TENM2: variants seen among roughly 807,000 people sequenced by gnomAD.
TENM2 encodes teneurin transmembrane protein 2.
TENM2 carries 52 observed loss-of-function variants against 245.2 expected under a neutral mutation model. The observed-to-expected ratio is 0.21, with a 90% CI of 0.17 to 0.27. The LOEUF (loss-of-function observed/expected upper bound fraction) is 0.27. TENM2 is among the 10% of genes least tolerant of loss of function. The pLI, the probability that TENM2 is intolerant of heterozygous loss-of-function variation, is 1.00. For missense variants in TENM2, 3,046 were observed against 3,666.8 expected (o/e 0.83, Z 4.37); for synonymous variants, 1,363 against 1,438.9 (o/e 0.95, Z 1.19).
intron 2 of TENM2, among the ~76,000 whole-genome samples, chr5:167,687,544 T>A (rs1016159421): frequency 6.6e-6 from 1 of 152,208 alleles, no homozygotes; most frequent in Non-Finnish European, 1.5e-5. Context: ...AGGCTCACGT[T>A]GATGGATATG....
intron 1 of TENM2, among the ~76,000 whole-genome samples, chr5:167,325,028 T>C (rs1457006266): frequency 2.0e-5 from 3 of 152,182 alleles, no homozygotes; most frequent in Non-Finnish European, 4.4e-5. Context: ...CTGTATCAAG[T>C]CTGTGGAGTG....
chr5:168,200,163 A>G (rs1195889373), intron 17 of TENM2, 32 bp downstream of exon 19: 1 of 1,592,884 alleles, frequency 6.3e-7, no homozygotes, highest in Non-Finnish European at 8.6e-7. Context: ...TTATTGATCA[A>G]TGGATTTAGT....
chr5:167,429,842 G>T (rs185351140), intron 2 of TENM2, among the ~76,000 whole-genome samples: 1 of 151,984 alleles, frequency 6.6e-6, no homozygotes, highest in Admixed American at 6.6e-5. Flanking sequence ...CCTGACCTCA[G>T]GTGATCCACC....
At chr5:167,533,825 G>C (rs543556770) in intron 2 of TENM2, among the ~76,000 whole-genome samples, 1 of 152,098 alleles carries the variant, frequency 6.6e-6, no homozygotes. Flanking sequence ...TGGAAAGGAA[G>C]ATCTAGATGT....
At chr5:167,348,676 T>C (rs1758627305) in intron 1 of TENM2, among the ~76,000 whole-genome samples, 1 of 152,322 alleles carries the variant, frequency 6.6e-6, no homozygotes, top group East Asian at 1.9e-4. Context: ...ATGGTTAACA[T>C]AGAGTGTTTT....
chr5:167,092,201 C>T, the TENM2 span, among the ~76,000 whole-genome samples: 18 of 152,124 alleles, frequency 1.2e-4, no homozygotes, highest in African/African-American at 4.1e-4. Flanking sequence ...AAACATTTAG[C>T]GACGTGAAAA....
chr5:167,154,236 G>C, the TENM2 span, among the ~76,000 whole-genome samples: 2 of 152,182 alleles, frequency 1.3e-5, no homozygotes, highest in Admixed American at 6.5e-5. Context: ...TTGTTGAAGT[G>C]ATTTAACCAA....
chr5:167,835,885 TGGGAG>T (rs1029850189), intron 2 of TENM2, among the ~76,000 whole-genome samples: 76 of 152,268 alleles, frequency 5.0e-4, no homozygotes, highest in African/African-American at 1.8e-3. Flanking sequence ...AGGAGGTGGT[TGGGAG>T]GAAGAACACT....
At chr5:168,203,038 CCT>C (rs1284500142) in intron 17 of TENM2, among the ~76,000 whole-genome samples, 1 of 152,184 alleles carries the variant, frequency 6.6e-6, no homozygotes, top group East Asian at 1.9e-4. Context: ...TTCATTTCCA[CCT>C]CTCTCTCCCA....
the TENM2 span, among the ~76,000 whole-genome samples, chr5:167,125,194 A>G: frequency 6.6e-6 from 1 of 152,194 alleles, no homozygotes. Flanking sequence ...CCCTGGGAGG[A>G]ATGTGTTACA....
chr5:167,419,733 A>G (rs186342885), intron 2 of TENM2, among the ~76,000 whole-genome samples: 6 of 152,310 alleles, frequency 3.9e-5, no homozygotes, highest in African/African-American at 1.4e-4. Flanking sequence ...TATGTTTTTA[A>G]ATGAGTTATG....
At chr5:167,352,664 A>G (rs1353682373) in intron 1 of TENM2, among the ~76,000 whole-genome samples, 1 of 152,218 alleles carries the variant, frequency 6.6e-6, no homozygotes, top group Non-Finnish European at 1.5e-5. Flanking sequence ...CATAGCAACA[A>G]TACATATGAG....
At chr5:167,851,167 G>C (rs1224450703) in intron 2 of TENM2, among the ~76,000 whole-genome samples, 1 of 151,928 alleles carries the variant, frequency 6.6e-6, no homozygotes, top group Non-Finnish European at 1.5e-5. Flanking sequence ...TTAACTGGGG[G>C]GTTGTTGATG....
chr5:167,639,382 T>A (rs1779414050), intron 2 of TENM2, among the ~76,000 whole-genome samples: 1 of 152,226 alleles, frequency 6.6e-6, no homozygotes, highest in African/African-American at 2.4e-5. Flanking sequence ...TGAGTCATCT[T>A]AGCCTAAATC....
chr5:167,695,622 G>C (rs1401200380), intron 2 of TENM2, among the ~76,000 whole-genome samples: 1 of 151,206 alleles, frequency 6.6e-6, no homozygotes, highest in African/African-American at 2.4e-5. Context: ...ATAGTTAGCT[G>C]GAAATAAAGC....
At chr5:167,253,444 AAAAC>A in the TENM2 span, among the ~76,000 whole-genome samples, 1 of 151,934 alleles carries the variant, frequency 6.6e-6, no homozygotes, top group African/African-American at 2.4e-5. Context: ...TTTTAATGAG[AAAAC>A]AAACAAACAA....
chr5:168,161,039 A>T (rs1458083767), intron 12 of TENM2, among the ~76,000 whole-genome samples: 1 of 152,118 alleles, frequency 6.6e-6, no homozygotes, highest in Admixed American at 6.5e-5. Context: ...TCAAATTCCC[A>T]CCACTGCCAT....
chr5:167,192,026 T>G, the TENM2 span, among the ~76,000 whole-genome samples: 1 of 152,198 alleles, frequency 6.6e-6, no homozygotes, highest in African/African-American at 2.4e-5. Flanking sequence ...GGAAAAATCT[T>G]TAGCAACTCA....
chr5:167,025,984 T>C, the TENM2 span, among the ~76,000 whole-genome samples: 1 of 152,182 alleles, frequency 6.6e-6, no homozygotes, highest in Admixed American at 6.5e-5. Flanking sequence ...GTGATTAGCT[T>C]TCCCTCTAAA....
Sources: gnomAD v4.1 joint callset for allele counts (sites outside exome capture counted in the v4.1 genomes callset) on GRCh38, gnomAD v4.1.1 for gene constraint, MANE v1.5 for transcripts, NCBI Gene and HGNC (gene_info 2026-07-23, HGNC 2026-07-21) for gene names.